The following RABGAP1L variants were observed in gnomAD, a reference collection of about 807,000 sequenced individuals.
The protein encoded by RABGAP1L is rab GTPase-activating protein 1-like.
In RABGAP1L, 63 loss-of-function variants were observed where a neutral mutation model predicts 137.7. The ratio of observed to expected loss-of-function variants is 0.46; its 90% CI spans 0.37 to 0.56. RABGAP1L has a LOEUF of 0.56. Among genes scored for constraint, RABGAP1L ranks in the 20% least tolerant of loss-of-function variants. RABGAP1L has a pLI of 0.00. For missense variants in RABGAP1L, 1,095 were observed against 1,244.0 expected (o/e 0.88, Z 1.80); for synonymous variants, 431 against 433.7 (o/e 0.99, Z 0.08).
At chr1:174,746,129 G>A (rs931800090) in intron 17 of RABGAP1L, among the ~76,000 whole-genome samples, 4 of 152,164 alleles carry the variant, frequency 2.6e-5, no homozygotes, top group African/African-American at 9.7e-5. Flanking sequence ...ATCAGAGCCA[G>A]AATGTTCAGT....
Position 174,172,534 on chromosome 1 carries a change from C to T in RABGAP1L, c.-34+12877C>T, listed in dbSNP as rs117077719. ...ACACTTTTGTCTTTTTGATAATAGC[C>T]ATCCAAACAGGTGTGAGGTGATAGC... On this transcript the variant is annotated intron_variant, in intron 1 of 25. Coordinates refer to ENST00000681986, the MANE Select transcript of RABGAP1L (RefSeq NM_001366446.1). Among the ~76,000 whole-genome samples the T allele has an allele frequency of 2.1e-3, 327 of 152,276 alleles. 2 individuals are homozygous for T. In the East Asian group the frequency reaches 0.029, roughly 13 times the overall value.
chr1:174,718,084 T>C (rs926303379), intron 17 of RABGAP1L, among the ~76,000 whole-genome samples: 4 of 152,214 alleles, frequency 2.6e-5, no homozygotes, highest in Non-Finnish European at 5.9e-5. Context: ...TGTGAAGCTT[T>C]CTTTCTCCTT....
chr1:174,253,836 G>T (rs544226882), intron 7 of RABGAP1L, among the ~76,000 whole-genome samples: 1 of 152,140 alleles, frequency 6.6e-6, no homozygotes. Flanking sequence ...TGCCTATTTG[G>T]CTTCAAGGAG....
At chr1:174,970,395 A>C (rs549350933) in intron 21 of RABGAP1L, among the ~76,000 whole-genome samples, 1 of 152,340 alleles carries the variant, frequency 6.6e-6, no homozygotes, top group East Asian at 1.9e-4. Context: ...TTTATCCATT[A>C]ATAATTTTCT....
At position 174,739,896 on chromosome 1, in the gene RABGAP1L, C is replaced by T. The variant is rs955788443; in HGVS notation, c.2170-12417C>T. On this transcript the variant is annotated intron_variant, in intron 17 of 25. Transcript: ENST00000681986. Reference sequence around the variant, plus strand: ...GTGGCATAGCAATTAAGATTTACTACGCAATATACTACTGTGAAGTGGTAT... The same window carrying T: ...GTGGCATAGCAATTAAGATTTACTATGCAATATACTACTGTGAAGTGGTAT... Among the ~76,000 whole-genome samples the T allele has an allele frequency of 7.2e-5, 11 of 152,294 alleles. No individual in the cohort carries two copies. In the South Asian group the frequency reaches 8.3e-4, roughly 11 times the overall value.
At chr1:174,178,010 C>G (rs1666034013) in intron 1 of RABGAP1L, among the ~76,000 whole-genome samples, 1 of 152,140 alleles carries the variant, frequency 6.6e-6, no homozygotes. Flanking sequence ...TTTTCTAATT[C>G]TGCAAAGAAA....
intron 13 of RABGAP1L, chr1:174,547,893 AG>A: frequency 6.5e-7 from 1 of 1,548,374 alleles, no homozygotes; most frequent in Non-Finnish European, 8.7e-7. Flanking sequence ...TTAAATATGA[AG>A]GGTCTATGAA....
intron 11 of RABGAP1L, among the ~76,000 whole-genome samples, chr1:174,315,840 C>G (rs1679329037): frequency 6.6e-6 from 1 of 152,132 alleles, no homozygotes; most frequent in South Asian, 2.1e-4. Flanking sequence ...CTATCTCTTT[C>G]TCTACCTCCT....
intron 1 of RABGAP1L, among the ~76,000 whole-genome samples, chr1:174,217,260 GTTTCA>G (rs1669407283): frequency 6.6e-6 from 1 of 152,164 alleles, no homozygotes; most frequent in Non-Finnish European, 1.5e-5. Context: ...TTTTGGTCAT[GTTTCA>G]TTTAAGATAC....
At chr1:174,790,622 G>A (rs1190448935) in intron 18 of RABGAP1L, among the ~76,000 whole-genome samples, 3 of 142,848 alleles carry the variant, frequency 2.1e-5, no homozygotes, top group South Asian at 2.2e-4. Context: ...CGACAAAAGT[G>A]AAAAAAAAAA....
rs1353275023 is a variant in RABGAP1L, at chr1:174,994,351, C to T, written c.*4350C>T. ...TTCTCAGTTTGCATCTAAAAGACTACATATGTCAAGCTTATCTCCACCTGA... is the reference window on the plus strand; with the variant it reads ...TTCTCAGTTTGCATCTAAAAGACTATATATGTCAAGCTTATCTCCACCTGA... On this transcript the variant is annotated 3_prime_UTR_variant, in exon 26 of 26. Coordinates refer to ENST00000681986, the MANE Select transcript of RABGAP1L (RefSeq NM_001366446.1). 4 of 152,186 alleles carry T rather than the reference C, an allele frequency of 2.6e-5. No individual in the cohort carries two copies. The highest frequency in any genetic ancestry group is 9.7e-5 in the African/African-American group (4 of 41,450). 9.4% of individuals were successfully genotyped at this position (152,186 alleles called of 1,614,324 possible).
intron 15 of RABGAP1L, among the ~76,000 whole-genome samples, chr1:174,697,649 T>A (rs1679365971): frequency 6.6e-6 from 1 of 152,186 alleles, no homozygotes; most frequent in African/African-American, 2.4e-5. Flanking sequence ...GCAGCTATTT[T>A]GTATAGCCAT....
rs1438993058 is a variant in RABGAP1L at position 174,573,112 on chromosome 1, AGTGTGTATATATATGTATACACTATTTAT to A, written c.1711-64252_1711-64224del. Among the ~76,000 whole-genome samples, 5 of 152,220 alleles carry A rather than the reference AGTGTGTATATATATGTATACACTATTTAT, an allele frequency of 3.3e-5. No individual in the cohort carries two copies. In the East Asian group the frequency reaches 9.7e-4, roughly 29 times the overall value. On this transcript the variant is annotated intron_variant, in intron 13 of 25. Transcript: ENST00000681986. ...TAGTATTTTTAAAATCATTGACTTT[AGTGTGTATATATATGTATACACTATTTAT>A]GTGTGTATATTTTTAAAATCATTGG...
At chr1:174,580,724 TACATATGTA>T (rs920421397) in intron 13 of RABGAP1L, among the ~76,000 whole-genome samples, 1 of 152,190 alleles carries the variant, frequency 6.6e-6, no homozygotes, top group African/African-American at 2.4e-5. Context: ...GGCACATGTA[TACATATGTA>T]ACTAACCTGC....
At chr1:174,462,904 T>C (rs1359240976) in intron 13 of RABGAP1L, among the ~76,000 whole-genome samples, 1 of 152,110 alleles carries the variant, frequency 6.6e-6, no homozygotes, top group Non-Finnish European at 1.5e-5. Context: ...AAAAAACACA[T>C]GAAAAAATAC....
chr1:174,218,556 T>G (rs1261078563), intron 1 of RABGAP1L, among the ~76,000 whole-genome samples: 2 of 152,204 alleles, frequency 1.3e-5, no homozygotes, highest in Non-Finnish European at 2.9e-5. Flanking sequence ...TTTTTCTTTT[T>G]GGTGTTAATA....
intron 10 of RABGAP1L, among the ~76,000 whole-genome samples, chr1:174,296,636 GA>G (rs1351307023): frequency 6.6e-6 from 1 of 152,164 alleles, no homozygotes; most frequent in Non-Finnish European, 1.5e-5. Flanking sequence ...ACAGCTGAAA[GA>G]AAAATGAGAA....
At chr1:174,987,556 A>C (rs900760476) in intron 24 of RABGAP1L, among the ~76,000 whole-genome samples, 2 of 152,220 alleles carry the variant, frequency 1.3e-5, no homozygotes, top group Admixed American at 1.3e-4. Context: ...AATGGTGGAG[A>C]CATGCCCAGT....
At chr1:174,539,235 AG>A (rs1665151967) in intron 13 of RABGAP1L, among the ~76,000 whole-genome samples, 1 of 152,044 alleles carries the variant, frequency 6.6e-6, no homozygotes, top group African/African-American at 2.4e-5. Flanking sequence ...ACTTAGCATC[AG>A]GTAAACCGGG....
Sources: gnomAD v4.1 joint callset for allele counts (sites outside exome capture counted in the v4.1 genomes callset) on GRCh38, gnomAD v4.1.1 for gene constraint, MANE v1.5 for transcripts, NCBI Gene and HGNC (gene_info 2026-07-23, HGNC 2026-07-21) for gene names.